The following KPNA7 variants were observed in gnomAD, a reference collection of about 807,000 sequenced individuals.
KPNA7 encodes karyopherin subunit alpha 7.
In KPNA7, 54 loss-of-function variants were observed where a neutral mutation model predicts 53.7. The observed-to-expected ratio is 1.01, with a 90% CI of 0.81 to 1.26. KPNA7 has a LOEUF of 1.26. KPNA7 is among the 50% of genes most tolerant of loss of function. The pLI is 0.00. For synonymous variants in KPNA7, 276 were observed against 259.3 expected, an observed-to-expected ratio of 1.06 and a Z score of -0.62; for missense variants, 640 against 644.5, an observed-to-expected ratio of 0.99 and a Z score of 0.07.
the KPNA7 span, among the ~76,000 whole-genome samples, chr7:99,161,693 G>A: frequency 6.6e-6 from 1 of 152,126 alleles, no homozygotes; most frequent in Non-Finnish European, 1.5e-5. Flanking sequence ...CTAACCTTAT[G>A]AGCTCCAGTT....
At chr7:99,199,810 G>C (rs1354669438) in intron 3 of KPNA7, among the ~76,000 whole-genome samples, 1 of 151,774 alleles carries the variant, frequency 6.6e-6, no homozygotes, top group African/African-American at 2.4e-5. Context: ...CCACAGAACA[G>C]AATATATTTG....
chr7:99,157,241 C>T, the KPNA7 span, among the ~76,000 whole-genome samples: 1 of 152,102 alleles, frequency 6.6e-6, no homozygotes, highest in Admixed American at 6.6e-5. Flanking sequence ...CAGAGTTTTG[C>T]TCTTGTTGCC....
In KPNA7 at chr7:99,188,577, A is replaced by T. The variant is rs1268240515; in HGVS notation, c.637-14T>A. 6.5e-7 allele frequency: 1 copy of T among 1,548,106 alleles called. No homozygotes were observed. Among genetic ancestry groups the T allele is most frequent in the Admixed American group, 2.0e-5 (1 of 50,972 alleles). On this transcript the variant is annotated splice_polypyrimidine_tract_variant and intron_variant, in intron 6 of 10. Coordinates refer to ENST00000327442, the MANE Select transcript of KPNA7 (RefSeq NM_001145715.3). ...CAGAAATGTGATCTGTAACAAGGAG[A>T]CTGCCTCCAGCATTGGGTGCAAAGG...
chr7:99,190,268 C>T (rs1029486078), intron 6 of KPNA7, among the ~76,000 whole-genome samples: 3 of 147,036 alleles, frequency 2.0e-5, no homozygotes, highest in East Asian at 2.0e-4. Context: ...ACCCAGGAGG[C>T]GGAGGTTGCA....
At chr7:99,195,952 G>T in intron 4 of KPNA7, 132 bp downstream of exon 4, 1 of 697,438 alleles carries the variant, frequency 1.4e-6, no homozygotes, top group African/African-American at 1.8e-5. Context: ...TTTTAGATGG[G>T]CTAGCCTTTT....
chr7:99,214,784 T>C (rs1435655829), intron 1 of KPNA7, among the ~76,000 whole-genome samples: 2 of 134,972 alleles, frequency 1.5e-5, no homozygotes, highest in Non-Finnish European at 1.6e-5. Context: ...AGGCCACCAC[T>C]ATGGGTGGCA....
At chr7:99,186,005 C>T (rs1201314810) in intron 7 of KPNA7, among the ~76,000 whole-genome samples, 4 of 152,134 alleles carry the variant, frequency 2.6e-5, no homozygotes, top group East Asian at 3.9e-4. Flanking sequence ...GTTGCCCAGG[C>T]TTGTCTTGAA....
intron 5 of KPNA7, among the ~76,000 whole-genome samples, chr7:99,194,282 G>C (rs551572176): frequency 6.6e-6 from 1 of 152,302 alleles, no homozygotes; most frequent in African/African-American, 2.4e-5. Flanking sequence ...CATTCAGAAA[G>C]GTAGTCTGAG....
Position 99,188,507 on chromosome 7 carries a change from G to C in KPNA7, c.693C>G (p.Asn231Lys). 1 of 1,551,710 alleles carries C rather than the reference G, an allele frequency of 6.4e-7. No individual in the cohort carries two copies. The highest frequency in any genetic ancestry group is 8.7e-7 in the Non-Finnish European group (1 of 1,147,006). Residue 231 changes from asparagine (N) to lysine (K), a missense_variant, in exon 7 of 11, where the codon AAC becomes AAG. Physicochemically the swap from Asn to Lys is moderately conservative, Grantham distance 94. Transcript: ENST00000327442. ...WTLSNLCRNK[N>K]PYPCDTAVKQ... ...TCACCGCAGTGTCGCAAGGGTATGG[G>C]TTCTTGTTTCGGCACAGATTCGACA...
the KPNA7 span, among the ~76,000 whole-genome samples, chr7:99,147,718 G>A: frequency 0.5 from 75,495 of 151,880 alleles, 21,700 homozygotes; most frequent in East Asian, 0.65. Flanking sequence ...TTGAACCCGG[G>A]AGGCGGAGGT....
At chr7:99,212,560 T>A (rs1314519810), upstream of KPNA7, among the ~76,000 whole-genome samples, 1 of 151,902 alleles carries the variant, frequency 6.6e-6, no homozygotes, top group Admixed American at 6.6e-5. Context: ...GGCTTACTTT[T>A]AAGTAATCTC....
At chr7:99,160,986 G>A in the KPNA7 span, among the ~76,000 whole-genome samples, 7 of 151,948 alleles carry the variant, frequency 4.6e-5, no homozygotes, top group East Asian at 1.9e-4. Flanking sequence ...TCAGCCTCCC[G>A]AGTAGCTGGG....
In KPNA7 at chr7:99,214,083, C is replaced by T. The variant is rs192382987; in HGVS notation, c.-23-6594G>A. Among the ~76,000 whole-genome samples, 889 of 152,140 alleles carry T rather than the reference C, an allele frequency of 5.8e-3. 28 individuals carry two copies. Among genetic ancestry groups the T allele is most frequent in the Admixed American group, 0.056 (859 of 15,238 alleles). ...ACCAGGACATCAGATTTGACTCCTG[C>T]GTCCAAGCTTTGCAGCCAATAATCT... On this transcript the variant is annotated intron_variant, in intron 1 of 10. Transcript: ENST00000681060.
At chr7:99,160,126 G>A in the KPNA7 span, among the ~76,000 whole-genome samples, 14 of 141,630 alleles carry the variant, frequency 9.9e-5, no homozygotes, top group African/African-American at 2.6e-4. Context: ...CCAGGTTCAC[G>A]TCATTCTCCT....
At chr7:99,174,632 T>C (rs1798836015) in intron 10 of KPNA7, among the ~76,000 whole-genome samples, 1 of 152,102 alleles carries the variant, frequency 6.6e-6, no homozygotes, top group South Asian at 2.1e-4. Context: ...AATCGCATTG[T>C]ATTTGTCCTT....
At chr7:99,207,560 C>A in intron 1 of KPNA7, 71 bp from the exon 2 acceptor site, 1 of 618,524 alleles carries the variant, frequency 1.6e-6, no homozygotes, top group Non-Finnish European at 2.8e-6. Flanking sequence ...TATCATAAGG[C>A]TCTAACCCTT....
intron 3 of KPNA7, among the ~76,000 whole-genome samples, chr7:99,202,359 T>G (rs1398427751): frequency 2.0e-5 from 3 of 152,118 alleles, no homozygotes; most frequent in African/African-American, 7.2e-5. Context: ...GGACTAACCT[T>G]GAAGTCAACC....
upstream of KPNA7, among the ~76,000 whole-genome samples, chr7:99,212,482 G>C (rs1791101897): frequency 6.6e-6 from 1 of 151,612 alleles, no homozygotes. Context: ...TCAAACTCCT[G>C]ACCTCAGGTG....
At chr7:99,183,717 C>T (rs555203595) in intron 8 of KPNA7, among the ~76,000 whole-genome samples, 1 of 152,238 alleles carries the variant, frequency 6.6e-6, no homozygotes, top group East Asian at 1.9e-4. Context: ...CACCCCCAGC[C>T]CAAGGTAACC....
Sources: gnomAD v4.1 joint callset for allele counts (sites outside exome capture counted in the v4.1 genomes callset) on GRCh38, gnomAD v4.1.1 for gene constraint, MANE v1.5 for transcripts, NCBI Gene and HGNC (gene_info 2026-07-23, HGNC 2026-07-21) for gene names.